The following RYR3 variants were observed in gnomAD, a reference collection of about 807,000 sequenced individuals.
RYR3 encodes brain ryanodine receptor-calcium release channel.
A neutral mutation model predicts 584.3 loss-of-function variants in RYR3; 207 were observed. The observed-to-expected ratio is 0.35, with a 90% CI of 0.32 to 0.40. The LOEUF is 0.40. Among genes scored for constraint, RYR3 ranks in the 10% least tolerant of loss-of-function variants. The pLI, the probability that RYR3 is intolerant of heterozygous loss-of-function variation, is 1.00. For synonymous variants in RYR3, 2,416 were observed against 2,248.5 expected, an observed-to-expected ratio of 1.07 and a Z score of -2.11; for missense variants, 5,616 against 6,089.2, an observed-to-expected ratio of 0.92 and a Z score of 2.59.
At chr15:33,754,190 CTA>C (rs2071590263) in intron 57 of RYR3, among the ~76,000 whole-genome samples, 1 of 152,122 alleles carries the variant, frequency 6.6e-6, no homozygotes, top group Non-Finnish European at 1.5e-5. Flanking sequence ...CCACTTCATG[CTA>C]TCCTCATCCT....
chr15:33,486,394 C>T (rs2050425946), intron 2 of RYR3, among the ~76,000 whole-genome samples: 1 of 152,042 alleles, frequency 6.6e-6, no homozygotes, highest in Non-Finnish European at 1.5e-5. Context: ...TGGCTTTTTT[C>T]TCTGTGCACG....
At chr15:33,602,664 G>T (rs906190839) in intron 17 of RYR3, among the ~76,000 whole-genome samples, 39 of 149,246 alleles carry the variant, frequency 2.6e-4, no homozygotes, top group African/African-American at 9.3e-4. Context: ...GTTTTGTAAT[G>T]AAAATGTTGT....
chr15:33,727,326 CAT>C (rs1440428843), intron 46 of RYR3, among the ~76,000 whole-genome samples: 3 of 152,226 alleles, frequency 2.0e-5, no homozygotes, highest in Admixed American at 6.5e-5. Flanking sequence ...GAATTGAAAA[CAT>C]ATGATTCCAA....
intron 38 of RYR3, among the ~76,000 whole-genome samples, chr15:33,673,034 G>A (rs2063943147): frequency 6.6e-6 from 1 of 152,168 alleles, no homozygotes; most frequent in South Asian, 2.1e-4. Flanking sequence ...TTTGTATTGT[G>A]CTGTGCTTCT....
intron 1 of RYR3, among the ~76,000 whole-genome samples, chr15:33,400,053 A>G (rs921334938): frequency 1.3e-5 from 2 of 152,136 alleles, no homozygotes; most frequent in African/African-American, 4.8e-5. Context: ...CCTTTCTCGC[A>G]AGGAAAACAC....
chr15:33,699,675 T>C, intron 40 of RYR3, 29 bp from the exon 41 acceptor site: 1 of 1,605,238 alleles, frequency 6.2e-7, no homozygotes, highest in African/African-American at 1.3e-5. Flanking sequence ...TAGATTCTTT[T>C]GTCTGACACT....
intron 19 of RYR3, among the ~76,000 whole-genome samples, chr15:33,614,384 A>T (rs1404098952): frequency 1.3e-5 from 2 of 151,978 alleles, no homozygotes; most frequent in Non-Finnish European, 2.9e-5. Context: ...CAGATAAAGG[A>T]TTTGGGCTTG....
chr15:33,844,843 AGT>A lies in RYR3; in HGVS notation c.13297-14_13297-13del, dbSNP rs2078613257. ...GGTTCTTTTTGATGTTTAATAAGCG[AGT>A]GTGTATTTTGAGCCAGGTCACTGAA... On this transcript the variant is annotated splice_polypyrimidine_tract_variant and intron_variant, in intron 92 of 103. Transcript: ENST00000634891. 2 of 1,608,916 alleles carry A rather than the reference AGT, an allele frequency of 1.2e-6. No individual in the cohort carries two copies. The highest frequency in any genetic ancestry group is 8.5e-7 in the Non-Finnish European group (1 of 1,176,380).
intron 5 of RYR3, among the ~76,000 whole-genome samples, chr15:33,534,228 C>T (rs1273220636): frequency 6.6e-6 from 1 of 152,084 alleles, no homozygotes; most frequent in Non-Finnish European, 1.5e-5. Flanking sequence ...TGGTGAAACC[C>T]CGACTCTATT....
At position 33,722,875 on chromosome 15, in the gene RYR3, T is replaced by C; in HGVS notation, c.6780T>C (p.Ser2260=). 7.6e-6 allele frequency: 12 copies of C among 1,586,032 alleles called. No homozygotes were observed. The highest frequency in any genetic ancestry group is 1.0e-5 in the Non-Finnish European group (12 of 1,168,984). ...ISENPALDLP[S]QGYKREVSTG... is the part of the protein sequence containing the mutation. ...AGAACCCAGCGCTCGACCTCCCCTC[T>C]CAAGGATACAAAAGAGAAGTGTAAG... The change falls in exon 44 of 104, where the codon TCT becomes TCC. Residue 2260 remains serine, a synonymous_variant. Coordinates refer to ENST00000634891, the MANE Select transcript of RYR3 (RefSeq NM_001036.6).
intron 32 of RYR3, among the ~76,000 whole-genome samples, chr15:33,658,745 C>T (rs1224456126): frequency 5.3e-5 from 8 of 152,232 alleles, no homozygotes; most frequent in African/African-American, 1.7e-4. Flanking sequence ...TCAGAGGCTG[C>T]TCCTCCATCA....
At chr15:33,694,215 C>CT (rs142982151) in intron 38 of RYR3, among the ~76,000 whole-genome samples, 23,317 of 151,022 alleles carry the variant, frequency 0.15, 2,240 homozygotes, top group Admixed American at 0.3. Context: ...TATTCATTTG[C>CT]TTTTTTCTGT....
chr15:33,649,054 T>A lies in RYR3; in HGVS notation c.3979-18T>A, dbSNP rs773715595. ...GGGGGCTGGGGGCCATTGACTCCCCTCTGCGGTCTCTCCACAGCAGTGCTA... is the reference window on the plus strand; with the variant it reads ...GGGGGCTGGGGGCCATTGACTCCCCACTGCGGTCTCTCCACAGCAGTGCTA... On this transcript the variant is annotated intron_variant, in intron 30 of 103. Coordinates refer to ENST00000634891, the MANE Select transcript of RYR3 (RefSeq NM_001036.6). 2.5e-6 allele frequency: 4 copies of A among 1,600,676 alleles called. No homozygotes were observed. Among genetic ancestry groups the A allele is most frequent in the Non-Finnish European group, 3.4e-6 (4 of 1,170,548 alleles).
chr15:33,793,300 G>A (rs528121924), intron 67 of RYR3, among the ~76,000 whole-genome samples: 39 of 152,170 alleles, frequency 2.6e-4, no homozygotes, highest in Admixed American at 5.2e-4. Flanking sequence ...CATCTCATAC[G>A]AGCTTTTGTG....
At chr15:33,520,411 C>T (rs1595418632) in intron 3 of RYR3, among the ~76,000 whole-genome samples, 2 of 152,080 alleles carry the variant, frequency 1.3e-5, no homozygotes, top group Non-Finnish European at 2.9e-5. Context: ...TAATATTGAC[C>T]CTTTGTGGTC....
rs148423144 is a variant in RYR3 at position 33,582,263 on chromosome 15, G to A, written c.1573+620G>A. On this transcript the variant is annotated intron_variant, in intron 14 of 103. Transcript: ENST00000634891. Reference sequence around the variant, plus strand: ...CAGTATGAGCCTGTGCAAGAAGGCGGCCACCAGGAGTTGCTCAGACACTGT... The same window carrying A: ...CAGTATGAGCCTGTGCAAGAAGGCGACCACCAGGAGTTGCTCAGACACTGT... 2.0e-4 allele frequency among the ~76,000 whole-genome samples: 30 copies of A among 152,322 alleles called. No individual in the cohort carries two copies. In the East Asian group the frequency reaches 5.6e-3, roughly 29 times the overall value.
chr15:33,666,736 A>T (rs1182896097), intron 36 of RYR3, among the ~76,000 whole-genome samples: 4 of 152,206 alleles, frequency 2.6e-5, no homozygotes, highest in Non-Finnish European at 5.9e-5. Flanking sequence ...AGAAGGTAAA[A>T]CTGAGATTAG....
chr15:33,750,163 G>C lies in RYR3; in HGVS notation c.8276G>C (p.Gly2759Ala). 6.2e-7 allele frequency: 1 copy of C among 1,609,664 alleles called. No individual in the cohort carries two copies. Among genetic ancestry groups the C allele is most frequent in the South Asian group, 1.1e-5 (1 of 89,884 alleles). ...KKKKLELESK[G>A]GGSHPLLVPY... ...TCATCTCTCACCTTACTGACCCCAG[G>C]TGGTGGCAGCCACCCTCTTCTGGTA... The change falls in exon 57 of 104, where the codon GGT (glycine) becomes GCT (alanine). Residue 2759 changes from glycine (G) to alanine (A), a missense_variant and splice_region_variant. By Grantham distance (60) the Gly-to-Ala change is moderately conservative (BLOSUM62 0). Transcript: ENST00000634891.
rs202053023 is a variant in RYR3, at chr15:33,425,910, C to G, written c.52-47509C>G. On this transcript the variant is annotated intron_variant, in intron 1 of 103. Coordinates refer to ENST00000634891, the MANE Select transcript of RYR3 (RefSeq NM_001036.6). ...GCCCGCCTTGGCCTCCCAAAGTGCTCGGATTACAGGCATGAGCCACCGCGC... is the reference window on the plus strand; with the variant it reads ...GCCCGCCTTGGCCTCCCAAAGTGCTGGGATTACAGGCATGAGCCACCGCGC... Among the ~76,000 whole-genome samples the G allele has an allele frequency of 1.1e-3, 168 of 152,044 alleles. 1 individual carries two copies. In the East Asian group the frequency reaches 0.011, roughly 10 times the overall value.
Sources: allele counts gnomAD v4.1 joint callset (sites outside exome capture counted in the v4.1 genomes callset), GRCh38; gene constraint gnomAD v4.1.1; transcripts MANE v1.5; gene names NCBI Gene and HGNC (gene_info 2026-07-23, HGNC 2026-07-21).